ATN1: variants seen among roughly 807,000 people sequenced by gnomAD.
The protein encoded by ATN1 is atrophin 1.
In ATN1, 19 loss-of-function variants were observed where a neutral mutation model predicts 85.8. The ratio of observed to expected loss-of-function variants is 0.22; its 90% CI spans 0.15 to 0.32. The LOEUF is 0.32. ATN1 is among the 10% of genes least tolerant of loss of function. The pLI is 1.00. For synonymous variants in ATN1, 674 were observed against 657.0 expected, an observed-to-expected ratio of 1.03 and a Z score of -0.39; for missense variants, 1,453 against 1,564.5, an observed-to-expected ratio of 0.93 and a Z score of 1.20.
At chr12:6,933,610 T>A (rs369197693) in intron 1 of ATN1, among the ~76,000 whole-genome samples, 10 of 152,338 alleles carry the variant, frequency 6.6e-5, no homozygotes, top group African/African-American at 2.4e-4. Context: ...TACATCCGAA[T>A]TTTCTGCCCT....
chr12:6,927,919 G>A (rs2138198858), upstream of ATN1, among the ~76,000 whole-genome samples: 1 of 151,202 alleles, frequency 6.6e-6, no homozygotes. Flanking sequence ...GCTAGGAGGG[G>A]GGAGAGGGAG....
intron 1 of ATN1, among the ~76,000 whole-genome samples, chr12:6,931,916 T>A (rs1298175373): frequency 3.4e-5 from 5 of 148,558 alleles, no homozygotes; most frequent in Non-Finnish European, 5.9e-5. Flanking sequence ...ATGCCTGTAA[T>A]CCCAGCTATT....
At chr12:6,933,683 A>G (rs2138207889) in intron 1 of ATN1, among the ~76,000 whole-genome samples, 157 bp from the exon 2 acceptor site, 1 of 152,358 alleles carries the variant, frequency 6.6e-6, no homozygotes, top group East Asian at 1.9e-4. Context: ...TAGCTAAGGT[A>G]GCCCATGGGG....
At chr12:6,925,913 C>T (rs1328263210), upstream of ATN1, among the ~76,000 whole-genome samples, 1 of 152,244 alleles carries the variant, frequency 6.6e-6, no homozygotes, top group East Asian at 1.9e-4. Context: ...CTAATCCACA[C>T]TCCAGCTCCA....
chr12:6,932,279 C>T (rs1415412141), intron 1 of ATN1, among the ~76,000 whole-genome samples: 1 of 152,098 alleles, frequency 6.6e-6, no homozygotes, highest in Non-Finnish European at 1.5e-5. Flanking sequence ...CCTAGCAGGC[C>T]TCCAACTCAG....
chr12:6,930,795 C>G (rs1213808805), intron 1 of ATN1, among the ~76,000 whole-genome samples: 1 of 140,466 alleles, frequency 7.1e-6, no homozygotes, highest in African/African-American at 3.0e-5. Flanking sequence ...AGTGAGACTC[C>G]GTCTCAATAA....
In ATN1 at chr12:6,942,004, G is replaced by A. The variant is rs1323605523; in HGVS notation, c.*224G>A. ...GGTGGCGAGGATGGGGACAGAAAGC[G>A]CACAGAATCTTGGACCAGGTCTCTC... On this transcript the variant is annotated 3_prime_UTR_variant, in exon 10 of 10. Transcript: ENST00000396684. 39 of 582,188 alleles carry A rather than the reference G, an allele frequency of 6.7e-5. No individual in the cohort carries two copies. The highest frequency in any genetic ancestry group is 9.8e-5 in the Non-Finnish European group (32 of 325,408). 36.1% of individuals were successfully genotyped at this position (582,188 alleles called of 1,614,324 possible). A position where few individuals can be genotyped will look rare whatever the true frequency, so the allele number is the denominator to read the frequency against.
chr12:6,928,814 G>GA (rs1378181821), intron 1 of ATN1, among the ~76,000 whole-genome samples: 2 of 152,176 alleles, frequency 1.3e-5, no homozygotes, highest in African/African-American at 2.4e-5. Flanking sequence ...AAGCCTCCAG[G>GA]AAAAAGCTCC....
At position 6,934,287 on chromosome 12, in the gene ATN1, G is replaced by A; in HGVS notation, c.139G>A (p.Ala47Thr). ...GVSTSSSDGK[A>T]EKSRQTAKKA... ...CAGCACGTCCAGCAGTGATGGCAAA[G>A]CTGAGAAGTCCAGGCAGACAGCCAA... Residue 47 changes from alanine (A) to threonine (T), a missense_variant, in exon 3 of 10, where the codon GCT becomes ACT. By Grantham distance (58) the Ala-to-Thr change is moderately conservative. Transcript: ENST00000396684. This position sits in a 1 kb window ranked among gnomAD's most constrained non-coding sequence, Gnocchi z 4.5. 1.3e-6 allele frequency: 2 copies of A among 1,572,964 alleles called. No homozygotes were observed. The highest frequency in any genetic ancestry group is 1.7e-6 in the Non-Finnish European group (2 of 1,166,632).
chr12:6,939,691 G>A (rs1297846597), intron 7 of ATN1, among the ~76,000 whole-genome samples: 9 of 152,074 alleles, frequency 5.9e-5, no homozygotes, highest in African/African-American at 7.2e-5. Flanking sequence ...TGGTAGAGAC[G>A]GGGTTTCGCC....
rs144111044 is a variant in ATN1 at position 6,935,780 on chromosome 12, G to A, written c.513G>A (p.Pro171=). The A allele has an allele frequency of 4.5e-3, 7,262 of 1,612,506 alleles. 394 individuals carry two copies. The Admixed American group carries it at 0.1, about 22-fold the overall frequency. ...CACTCTTTCCTCCTTCCCCTCAACC[G>A]CCAGACAGCACCCCTCGACAGCCAG... ...PPPLFPPSPQ[P]PDSTPRQPEA... The change falls in exon 5 of 10, where the codon CCG becomes CCA. Residue 171 remains proline (P), a synonymous_variant. Transcript: ENST00000396684. The surrounding 1 kb of genome is among the most constrained non-coding windows in gnomAD (Gnocchi z 5.3).
chr12:6,941,914 CAG>C lies in ATN1; in HGVS notation c.*139_*140del. On this transcript the variant is annotated 3_prime_UTR_variant, in exon 10 of 10. Coordinates refer to ENST00000396684, the MANE Select transcript of ATN1 (RefSeq NM_001940.4). This position sits in a 1 kb window ranked among gnomAD's most constrained non-coding sequence, Gnocchi z 5.9. ...CAGTTGCAGGGCCTCCGCAGCTGGA[CAG>C]AGAGTGGGGGAGGGAGGGACAGACA... 5.7e-6 allele frequency: 5 copies of C among 878,434 alleles called. No individual in the cohort carries two copies. Among genetic ancestry groups the C allele is most frequent in the Non-Finnish European group, 9.3e-6 (5 of 536,406 alleles). 54.4% of individuals were successfully genotyped at this position (878,434 alleles called of 1,614,324 possible). A position where few individuals can be genotyped will look rare whatever the true frequency, so the allele number is the denominator to read the frequency against.
rs201442555 is a variant in ATN1, at chr12:6,936,716, CCAGCAA to C, written c.1461_1466del (p.Gln501_Gln502del). The C allele has an allele frequency of 9.5e-3, 15,041 of 1,577,504 alleles. 301 individuals carry two copies. Among genetic ancestry groups the C allele is most frequent in the African/African-American group, 0.094 (6,483 of 69,108 alleles). ...CAGTCTCAACACATCACCATCACCA[CCAGCAA>C]CAGCAACAGCAGCAGCAGCAGCAGC... On this transcript the variant is annotated inframe_deletion, in exon 5 of 10. Coordinates refer to ENST00000396684, the MANE Select transcript of ATN1 (RefSeq NM_001940.4).
chr12:6,926,923 C>T (rs1195014850), upstream of ATN1, among the ~76,000 whole-genome samples: 1 of 152,070 alleles, frequency 6.6e-6, no homozygotes, highest in Non-Finnish European at 1.5e-5. Flanking sequence ...TACTGGGAGC[C>T]CCCACCCCCA....
At position 6,934,741 on chromosome 12, in the gene ATN1, T is replaced by A. The variant is rs1945509716; in HGVS notation, c.279+163T>A. On this transcript the variant is annotated intron_variant, in intron 4 of 9. Coordinates refer to ENST00000396684, the MANE Select transcript of ATN1 (RefSeq NM_001940.4). This position sits in a 1 kb window ranked among gnomAD's most constrained non-coding sequence, Gnocchi z 4.5. ...TGTCTATAATATGCCAGAGAGATTC[T>A]TAGAGCTTTGACAGACCACCAGATG... Among the ~76,000 whole-genome samples the A allele has an allele frequency of 6.6e-6, 1 of 152,184 alleles. No homozygotes were observed. Among genetic ancestry groups the A allele is most frequent in the African/African-American group, 2.4e-5 (1 of 41,428 alleles).
rs782023440 is a variant in ATN1, at chr12:6,934,027, C to T, written c.26C>T (p.Ser9Leu). ...ATGAAGACACGACAGAATAAAGACT[C>T]GGTGAGTTAAAATGAGAGACATGAA... The part of the protein sequence containing the change: MKTRQNKD[S>L]MSMRSGRKKE... Residue 9 changes from serine (S) to leucine (L), a missense_variant and splice_region_variant, in exon 2 of 10, where the codon TCG becomes TTG. Coordinates refer to ENST00000396684, the MANE Select transcript of ATN1 (RefSeq NM_001940.4). This position sits in a 1 kb window ranked among gnomAD's most constrained non-coding sequence, Gnocchi z 4.5. 10 of 1,608,606 alleles carry T rather than the reference C, an allele frequency of 6.2e-6. No individual in the cohort carries two copies. Among genetic ancestry groups the T allele is most frequent in the Admixed American group, 5.1e-5 (3 of 58,882 alleles).
chr12:6,938,136 C>T (rs1235039444), intron 6 of ATN1, 69 bp downstream of exon 6: 13 of 1,465,762 alleles, frequency 8.9e-6, no homozygotes, highest in Non-Finnish European at 1.1e-5. Flanking sequence ...CGCTGCGCTG[C>T]GCTACGCTAC....
Position 6,936,701 on chromosome 12 carries a change from A to ACATCAC in ATN1, c.1443_1448dup (p.His482_His483dup), listed in dbSNP as rs1160023404. The stretch of plus-strand genomic sequence containing the variant: ...CCACCGCCCACCCACCAGTCTCAAC[A>ACATCAC]CATCACCATCACCACCAGCAACAGC... On this transcript the variant is annotated inframe_insertion, in exon 5 of 10. Coordinates refer to ENST00000396684, the MANE Select transcript of ATN1 (RefSeq NM_001940.4). The ACATCAC allele has an allele frequency of 1.2e-6, 2 of 1,611,026 alleles. No homozygotes were observed. Among genetic ancestry groups the ACATCAC allele is most frequent in the South Asian group, 1.1e-5 (1 of 90,890 alleles).
rs782516322 is a variant in ATN1 at position 6,936,078 on chromosome 12, C to T, written c.811C>T (p.Pro271Ser). 1 of 1,533,092 alleles carries T rather than the reference C, an allele frequency of 6.5e-7. No homozygotes were observed. The highest frequency in any genetic ancestry group is 8.8e-7 in the Non-Finnish European group (1 of 1,141,144). 95.0% of individuals were successfully genotyped at this position (1,533,092 alleles called of 1,614,324 possible). A position where few individuals can be genotyped will look rare whatever the true frequency, so the allele number is the denominator to read the frequency against. The change falls in exon 5 of 10, where the codon CCC becomes TCC. Residue 271 changes from proline (P) to serine (S), a missense_variant. Pro to Ser is a moderately conservative substitution (Grantham distance 74). Coordinates refer to ENST00000396684, the MANE Select transcript of ATN1 (RefSeq NM_001940.4). ...SVSSSGASGA[P>S]PTKPPTTPVG... is the part of the protein sequence containing the mutation. ...ATCAAGCTCTGGGGCTAGTGGTGCT[C>T]CCCCAACAAAGCCGCCTACCACTCC...
Sources: allele counts gnomAD v4.1 joint callset (sites outside exome capture counted in the v4.1 genomes callset), GRCh38; gene constraint gnomAD v4.1.1; non-coding constraint Gnocchi (gnomAD v3.1); transcripts MANE v1.5; gene names NCBI Gene and HGNC (gene_info 2026-07-23, HGNC 2026-07-21).